The following RNF128 variants were observed in gnomAD, a reference collection of about 807,000 sequenced individuals.
RNF128 encodes ring finger protein 128, also known as E3 ubiquitin-protein ligase RNF128.
Under a neutral mutation model 26.2 loss-of-function variants are expected in RNF128, and 13 were observed. The observed-to-expected ratio is 0.50, with a 90% confidence interval of 0.32 to 0.79. The LOEUF is 0.79. Among genes scored for constraint, RNF128 ranks in the 30% least tolerant of loss-of-function variants. The pLI is 0.03. For missense variants in RNF128, 315 were observed against 349.7 expected (o/e 0.90, Z 0.79); for synonymous variants, 149 against 142.5 (o/e 1.05, Z -0.32).
intron 1 of RNF128, among the ~76,000 whole-genome samples, chrX:106,708,947 A>G (rs1363778720): frequency 2.7e-5 from 3 of 112,063 alleles, no homozygotes. Context: ...ATGCAAATGA[A>G]TACTTCCTAA....
rs779825874 is a variant in RNF128 at position 106,720,464 on chromosome X, T to A, written c.406+26056T>A. Among the ~76,000 whole-genome samples, 7 of 111,484 alleles carry A rather than the reference T, an allele frequency of 6.3e-5. No individual in the cohort carries two copies. In the South Asian group the frequency reaches 1.5e-3, roughly 24 times the overall value. ...CCTGGGCTCAAGCAACTCTCCTGCC[T>A]CAGCCTCTCAAAATGCTGGGATTAC... On this transcript the variant is annotated intron_variant, in intron 1 of 6. Coordinates refer to the RNF128 transcript ENST00000324342.
intron 1 of RNF128, among the ~76,000 whole-genome samples, chrX:106,754,099 G>A (rs756063323): frequency 4.2e-4 from 47 of 112,248 alleles, no homozygotes; most frequent in African/African-American, 1.4e-3. Context: ...AGAACAAATG[G>A]ACCTAATAGA....
intron 1 of RNF128, among the ~76,000 whole-genome samples, chrX:106,743,273 A>G (rs181725865): frequency 8.9e-6 from 1 of 112,534 alleles, no homozygotes; most frequent in Non-Finnish European, 1.9e-5. Context: ...TTTATCTACT[A>G]TGTAAGCATA....
At chrX:106,728,485 T>C (rs771725083) in intron 1 of RNF128, among the ~76,000 whole-genome samples, 3 of 112,388 alleles carry the variant, frequency 2.7e-5, no homozygotes. Flanking sequence ...TTAAAGAGTT[T>C]AGTGCAGTAA....
At chrX:106,762,432 G>A (rs1257183895) in intron 1 of RNF128, among the ~76,000 whole-genome samples, 1 of 109,326 alleles carries the variant, frequency 9.1e-6, no homozygotes, top group Admixed American at 9.8e-5. Flanking sequence ...TCCTGCCTCA[G>A]CCTCCCGAGT....
intron 2 of RNF128, among the ~76,000 whole-genome samples, chrX:106,775,354 A>G (rs374553696): frequency 8.9e-5 from 10 of 112,160 alleles, no homozygotes; most frequent in African/African-American, 3.2e-4. Context: ...ATTTATTGAC[A>G]TGGCATTAAA....
chrX:106,742,832 A>G (rs773704230), intron 1 of RNF128, among the ~76,000 whole-genome samples: 1 of 111,188 alleles, frequency 9.0e-6, no homozygotes, highest in South Asian at 3.8e-4. Context: ...CCCTTGATGA[A>G]TCAAAAAGAA....
chrX:106,720,643 A>G (rs1388385456), intron 1 of RNF128, among the ~76,000 whole-genome samples: 1 of 111,021 alleles, frequency 9.0e-6, no homozygotes, highest in East Asian at 2.8e-4. Context: ...CTCCCTATGT[A>G]TGTGTAGAGG....
At chrX:106,740,396 T>A (rs775594740) in intron 1 of RNF128, among the ~76,000 whole-genome samples, 2 of 111,523 alleles carry the variant, frequency 1.8e-5, no homozygotes, top group South Asian at 7.6e-4. Flanking sequence ...TAGTTCCACC[T>A]GGTCTGAAAG....
intron 1 of RNF128, among the ~76,000 whole-genome samples, chrX:106,717,073 G>C (rs1226586754): frequency 9.1e-6 from 1 of 110,159 alleles, no homozygotes; most frequent in Non-Finnish European, 1.9e-5. Context: ...CGTGGTGGCG[G>C]GCGCCTGTAG....
At chrX:106,770,450 A>C (rs949771702) in intron 1 of RNF128, among the ~76,000 whole-genome samples, 1 of 108,483 alleles carries the variant, frequency 9.2e-6, no homozygotes, top group East Asian at 2.9e-4. Flanking sequence ...ATTTCTTTTT[A>C]CTCTTTTTTT....
In RNF128 at chrX:106,788,006, T is replaced by C; in HGVS notation, c.887+6T>C. 2 of 1,085,956 alleles carry C rather than the reference T, an allele frequency of 1.8e-6. No individual in the cohort carries two copies. Among genetic ancestry groups the C allele is most frequent in the Non-Finnish European group, 2.5e-6 (2 of 810,946 alleles). 89.5% of individuals were successfully genotyped at this position (1,085,956 alleles called of 1,213,427 possible). On this transcript the variant is annotated splice_donor_region_variant and intron_variant, in intron 4 of 6. Transcript: ENST00000255499. Reference sequence around the variant, plus strand: ...GTACGCATCTTAACGTGCAAGTAAGTTTGATTTTCTTCTATATCTTCAATA... The same window carrying C: ...GTACGCATCTTAACGTGCAAGTAAGCTTGATTTTCTTCTATATCTTCAATA...
intron 1 of RNF128, among the ~76,000 whole-genome samples, chrX:106,748,790 A>G (rs1184702942): frequency 1.8e-5 from 2 of 111,483 alleles, no homozygotes; most frequent in East Asian, 2.8e-4. Context: ...GAGAAGTTGT[A>G]TAAGGGGCAC....
intron 1 of RNF128, among the ~76,000 whole-genome samples, chrX:106,756,117 C>T (rs930513823): frequency 9.0e-6 from 1 of 111,526 alleles, no homozygotes; most frequent in Non-Finnish European, 1.9e-5. Context: ...ACATTCCATA[C>T]TCATGGGTAG....
chrX:106,717,007 C>A (rs933062155), intron 1 of RNF128, among the ~76,000 whole-genome samples: 3 of 109,958 alleles, frequency 2.7e-5, no homozygotes, highest in Non-Finnish European at 5.7e-5. Flanking sequence ...TCGAGACCAT[C>A]CTGGCTAGCA....
intron 6 of RNF128, among the ~76,000 whole-genome samples, chrX:106,793,959 C>T (rs1213621294): frequency 9.0e-6 from 1 of 110,901 alleles, no homozygotes; most frequent in Non-Finnish European, 1.9e-5. Flanking sequence ...TAGAGAGATA[C>T]TTGGAGACTA....
intron 1 of RNF128, among the ~76,000 whole-genome samples, chrX:106,721,347 CA>C (rs1450238647): frequency 9.0e-6 from 1 of 111,496 alleles, no homozygotes; most frequent in Non-Finnish European, 1.9e-5. Context: ...GGTGAGAAGC[CA>C]GATACAGTGT....
chrX:106,736,620 C>T, intron 1 of RNF128, among the ~76,000 whole-genome samples: 1 of 111,435 alleles, frequency 9.0e-6, no homozygotes, highest in Non-Finnish European at 1.9e-5. Flanking sequence ...TAAAAACCAC[C>T]CATTAACCAT....
At chrX:106,768,459 G>A (rs1162851803) in intron 1 of RNF128, among the ~76,000 whole-genome samples, 14 of 111,454 alleles carry the variant, frequency 1.3e-4, no homozygotes, top group Non-Finnish European at 2.1e-4. Context: ...TGTATGTGTC[G>A]AGGAATTTAT....
Sources: gnomAD v4.1 joint callset for allele counts (sites outside exome capture counted in the v4.1 genomes callset) on GRCh38, gnomAD v4.1.1 for gene constraint, MANE v1.5 for transcripts, NCBI Gene and HGNC (gene_info 2026-07-23, HGNC 2026-07-21) for gene names.